The following SP1 variants were observed in gnomAD, a reference collection of about 807,000 sequenced individuals.
SP1 encodes the protein transcription factor Sp1.
Under a neutral mutation model 66.3 loss-of-function variants are expected in SP1, and 6 were observed. The ratio of observed to expected loss-of-function variants is 0.09; its 90% CI spans 0.05 to 0.18. SP1 has a LOEUF of 0.18. Ranked by LOEUF, SP1 falls within the 10% of genes least tolerant of loss-of-function variation. The pLI is 1.00. For missense variants in SP1, 848 were observed against 964.5 expected (o/e 0.88, Z 1.60); for synonymous variants, 417 against 360.8 (o/e 1.16, Z -1.77).
At chr12:53,396,811 AT>A (rs945158477) in intron 3 of SP1, among the ~76,000 whole-genome samples, 4 of 149,338 alleles carry the variant, frequency 2.7e-5, no homozygotes, top group South Asian at 2.1e-4. Flanking sequence ...TTAAAATACA[AT>A]TTTTTTTTTA....
At position 53,409,256 on chromosome 12, in the gene SP1, A is replaced by G. The variant is rs1439759712; in HGVS notation, c.1845-106A>G. On this transcript the variant is annotated intron_variant, in intron 4 of 5. Transcript: ENST00000327443. ...AAAAAAGAAGACTTTTTCAAAAAAT[A>G]AAAGTTTGGGTTAGTTTGGTGTCGA... is the stretch of plus-strand genomic sequence containing the variant. The G allele has an allele frequency of 1.4e-5, 13 of 900,802 alleles. No homozygotes were observed. The South Asian group carries it at 2.2e-4, about 16-fold the overall frequency. 55.8% of individuals were successfully genotyped at this position (900,802 alleles called of 1,614,324 possible). A position where few individuals can be genotyped will look rare whatever the true frequency, so the allele number is the denominator to read the frequency against.
At chr12:53,409,288 G>C (rs1938826211) in intron 4 of SP1, 74 bp from the exon 5 acceptor site, 4 of 1,233,794 alleles carry the variant, frequency 3.2e-6, no homozygotes, top group Non-Finnish European at 4.6e-6. Flanking sequence ...TCGATTGGGT[G>C]ATTGCTGTTG....
At position 53,414,543 on chromosome 12, in the gene SP1, A is replaced by G. The variant is rs1938958355; in HGVS notation, c.*3303A>G. The stretch of plus-strand genomic sequence containing the variant: ...GGGGAGGGTTGGAGACAAAAGCTGT[A>G]AATTACTATGGCTGATTTATTTCTA... On this transcript the variant is annotated 3_prime_UTR_variant, in exon 6 of 6. Transcript: ENST00000327443. The G allele has an allele frequency of 6.6e-6, 1 of 152,624 alleles. No homozygotes were observed. The highest frequency in any genetic ancestry group is 2.4e-5 in the African/African-American group (1 of 41,462). 9.5% of individuals were successfully genotyped at this position (152,624 alleles called of 1,614,324 possible).
chr12:53,405,694 A>AAG (rs1938717344), intron 3 of SP1, among the ~76,000 whole-genome samples: 4 of 135,482 alleles, frequency 3.0e-5, no homozygotes, highest in African/African-American at 1.5e-4. Context: ...AGAGAGAGAG[A>AAG]GAAGGAAGGA....
intron 3 of SP1, among the ~76,000 whole-genome samples, chr12:53,405,088 ATCCAACCACCTCGGCC>A: frequency 6.6e-6 from 1 of 151,744 alleles, no homozygotes; most frequent in East Asian, 1.9e-4. Context: ...ACCTCAAGTG[ATCCAACCACCTCGGCC>A]TCCCAAAGTG....
At chr12:53,406,791 A>G in intron 4 of SP1, 38 bp downstream of exon 4, 2 of 1,548,714 alleles carry the variant, frequency 1.3e-6, no homozygotes, top group Non-Finnish European at 1.8e-6. Flanking sequence ...AATATAAAGA[A>G]AAATTAATAG....
chr12:53,403,141 A>AG (rs1426423304), intron 3 of SP1, among the ~76,000 whole-genome samples: 2 of 152,042 alleles, frequency 1.3e-5, no homozygotes, highest in Non-Finnish European at 2.9e-5. Flanking sequence ...AGAAAAAAAA[A>AG]GAATTGGAAG....
At chr12:53,380,946 CTTTTTTTTTT>C (rs35296566) in intron 1 of SP1, among the ~76,000 whole-genome samples, 2 of 100,800 alleles carry the variant, frequency 2.0e-5, no homozygotes, top group Non-Finnish European at 3.7e-5. Flanking sequence ...TTTTGTTTGT[CTTTTTTTTTT>C]TTTTTTTTTT....
At chr12:53,410,718 C>T (rs1195783625) in intron 5 of SP1, among the ~76,000 whole-genome samples, 1 of 152,112 alleles carries the variant, frequency 6.6e-6, no homozygotes, top group Non-Finnish European at 1.5e-5. Flanking sequence ...TGGTCTTGAT[C>T]TCCTGACCTC....
chr12:53,404,566 A>G (rs114324134), intron 3 of SP1, among the ~76,000 whole-genome samples: 1,949 of 151,696 alleles, frequency 0.013, 30 homozygotes, highest in African/African-American at 0.042. Flanking sequence ...AAAGAATATT[A>G]TCTGTCACTT....
chr12:53,382,974 A>G lies in SP1; in HGVS notation c.1027A>G (p.Thr343Ala), dbSNP rs779850987. ...CAACATGGGAATTATGAACTTTACT[A>G]CCAGTGGATCATCAGGGACCAACTC... Reference protein sequence around the residue: ...TSNMGIMNFTTSGSSGTNSQG... With the variant: ...TSNMGIMNFTASGSSGTNSQG... Residue 343 changes from threonine to alanine, a missense_variant, in exon 3 of 6, where the codon ACC becomes GCC. By Grantham distance (58) the Thr-to-Ala change is moderately conservative (BLOSUM62 0). Transcript: ENST00000327443. 1.2e-6 allele frequency: 2 copies of G among 1,614,150 alleles called. No homozygotes were observed. The highest frequency in any genetic ancestry group is 1.1e-5 in the South Asian group (1 of 91,086).
chr12:53,407,167 G>A (rs1342596415), intron 4 of SP1, among the ~76,000 whole-genome samples: 1 of 150,892 alleles, frequency 6.6e-6, no homozygotes, highest in African/African-American at 2.4e-5. Flanking sequence ...AGAGCTGGAT[G>A]CATATAATCC....
intron 3 of SP1, among the ~76,000 whole-genome samples, chr12:53,388,147 A>G (rs1340134346): frequency 1.3e-5 from 2 of 152,216 alleles, no homozygotes; most frequent in Non-Finnish European, 2.9e-5. Flanking sequence ...ACAACGTAGA[A>G]AATTAGACAC....
chr12:53,406,321 G>A (rs545540701), intron 3 of SP1, among the ~76,000 whole-genome samples: 3 of 151,946 alleles, frequency 2.0e-5, no homozygotes, highest in South Asian at 2.1e-4. Context: ...CGCCCACCTC[G>A]GCCTCCCAAA....
rs765433174 is a variant in SP1 at position 53,406,678 on chromosome 12, A to C, written c.1769A>C (p.Asp590Ala). ...AGGEEGENSP[D>A]AQPQAGRRTR... ...GGAGAGGAAGGAGAAAACAGCCCAGATGCCCAACCCCAAGCCGGTCGGAGG... is the reference window on the plus strand; with the variant it reads ...GGAGAGGAAGGAGAAAACAGCCCAGCTGCCCAACCCCAAGCCGGTCGGAGG... Residue 590 changes from aspartate to alanine, a missense_variant, in exon 4 of 6, where the codon GAT (aspartate) becomes GCT (alanine). Transcript: ENST00000327443. 1.1e-5 allele frequency: 18 copies of C among 1,614,026 alleles called. No homozygotes were observed. In the Admixed American group the frequency reaches 2.8e-4, roughly 25 times the overall value.
Position 53,382,742 on chromosome 12 carries a change from C to G in SP1, c.795C>G (p.Thr265=). Residue 265 remains threonine (T), a synonymous_variant, in exon 3 of 6, where the codon ACC becomes ACG. Coordinates refer to ENST00000327443, the MANE Select transcript of SP1 (RefSeq NM_138473.3). ...CAGTGGCCCTGAATGGGAACATCAC[C>G]TTGCTACCTGTCAACAGCGTTTCTG... ...NVPVALNGNI[T]LLPVNSVSAA... 6.2e-7 allele frequency: 1 copy of G among 1,614,134 alleles called. No homozygotes were observed. Among genetic ancestry groups the G allele is most frequent in the South Asian group, 1.1e-5 (1 of 91,078 alleles).
At chr12:53,380,705 C>T (rs1337023984) in intron 1 of SP1, 8 of 976,336 alleles carry the variant, frequency 8.2e-6, no homozygotes, top group South Asian at 4.7e-5. Flanking sequence ...GCTCCAAGGC[C>T]CTCCTCCCCC....
intron 2 of SP1, 45 bp downstream of exon 2, chr12:53,381,858 A>G (rs758360193): frequency 1.3e-6 from 2 of 1,571,882 alleles, no homozygotes; most frequent in Non-Finnish European, 1.7e-6. Flanking sequence ...GAAGATGTAA[A>G]TATTCTTAGA....
At chr12:53,390,918 T>C (rs1438200876) in intron 3 of SP1, among the ~76,000 whole-genome samples, 1 of 152,198 alleles carries the variant, frequency 6.6e-6, no homozygotes, top group Non-Finnish European at 1.5e-5. Context: ...TTTCCCTTTG[T>C]TTCATTTTGT....
Sources: gnomAD v4.1 joint callset for allele counts (sites outside exome capture counted in the v4.1 genomes callset) on GRCh38, gnomAD v4.1.1 for gene constraint, MANE v1.5 for transcripts, NCBI Gene and HGNC (gene_info 2026-07-23, HGNC 2026-07-21) for gene names.